Variants in NKAIN3 observed in about 807,000 individuals in gnomAD.
NKAIN3 encodes the protein sodium/potassium-transporting ATPase subunit beta-1-interacting protein 3.
Under a neutral mutation model 30.2 loss-of-function variants are expected in NKAIN3, and 25 were observed. The observed-to-expected ratio is 0.83, with a 90% CI of 0.60 to 1.16. NKAIN3 has a LOEUF of 1.16. Among genes scored for constraint, NKAIN3 ranks in the 50% most tolerant of loss-of-function variants. NKAIN3 has a pLI of 0.00. For synonymous variants in NKAIN3, 91 were observed against 89.6 expected (o/e 1.02, Z -0.09); for missense variants, 225 against 254.1 (o/e 0.89, Z 0.78).
At chr8:62,647,577 C>A (rs568059216) in intron 3 of NKAIN3, among the ~76,000 whole-genome samples, 1 of 152,190 alleles carries the variant, frequency 6.6e-6, no homozygotes, top group Admixed American at 6.5e-5. Flanking sequence ...AAGGAATATC[C>A]ACGGGGAAAC....
At chr8:62,655,342 G>A (rs1812734658) in intron 3 of NKAIN3, among the ~76,000 whole-genome samples, 1 of 152,150 alleles carries the variant, frequency 6.6e-6, no homozygotes, top group Non-Finnish European at 1.5e-5. Flanking sequence ...AAATATTTTA[G>A]ATGGGAAAGT....
intron 3 of NKAIN3, among the ~76,000 whole-genome samples, chr8:62,597,769 G>C (rs372829872): frequency 6.6e-6 from 1 of 151,754 alleles, no homozygotes; most frequent in Non-Finnish European, 1.5e-5. Flanking sequence ...TTATCTCTCT[G>C]CAATCCAGTC....
intron 2 of NKAIN3, among the ~76,000 whole-genome samples, chr8:62,584,529 T>C (rs996603265): frequency 1.2e-4 from 18 of 152,332 alleles, no homozygotes; most frequent in African/African-American, 4.3e-4. Flanking sequence ...TCAAAGCTTA[T>C]GAAAATTGTT....
chr8:62,809,456 A>G (rs1278211011), intron 4 of NKAIN3, among the ~76,000 whole-genome samples: 1 of 152,192 alleles, frequency 6.6e-6, no homozygotes, highest in Non-Finnish European at 1.5e-5. Flanking sequence ...ATAAATGTCC[A>G]TGAAATCTTC....
intron 1 of NKAIN3, among the ~76,000 whole-genome samples, chr8:62,493,762 T>C (rs1807148197): frequency 6.6e-6 from 1 of 152,190 alleles, no homozygotes; most frequent in African/African-American, 2.4e-5. Flanking sequence ...TTAGCTGTAC[T>C]CCTAGGTATT....
intron 5 of NKAIN3, among the ~76,000 whole-genome samples, chr8:62,923,361 T>G (rs544653407): frequency 1.3e-5 from 2 of 152,186 alleles, no homozygotes; most frequent in South Asian, 4.1e-4. Flanking sequence ...TTGTTGAGTT[T>G]ATAGTGTTAA....
chr8:62,918,728 T>A (rs1359943648), intron 5 of NKAIN3, among the ~76,000 whole-genome samples: 2 of 152,188 alleles, frequency 1.3e-5, no homozygotes, highest in African/African-American at 4.8e-5. Context: ...TGAGAGCACG[T>A]GCAGAGACTT....
At chr8:62,523,230 G>A (rs752752188) in intron 1 of NKAIN3, among the ~76,000 whole-genome samples, 2 of 152,008 alleles carry the variant, frequency 1.3e-5, no homozygotes, top group African/African-American at 4.8e-5. Context: ...TAGGAGCAGC[G>A]GACTATACTG....
At chr8:62,595,466 C>T (rs1039626427) in intron 3 of NKAIN3, among the ~76,000 whole-genome samples, 1 of 139,900 alleles carries the variant, frequency 7.1e-6, no homozygotes, top group Non-Finnish European at 1.5e-5. Flanking sequence ...AGGGAGGGGA[C>T]CCAAAGGGGG....
At chr8:62,473,861 A>G (rs964468697) in intron 1 of NKAIN3, 1 of 152,194 alleles carries the variant, frequency 6.6e-6, no homozygotes, top group African/African-American at 2.4e-5. Context: ...GCTCAGTTTC[A>G]ATTTGAATTT....
chr8:62,418,808 A>G (rs1804539999), intron 1 of NKAIN3, among the ~76,000 whole-genome samples: 1 of 152,134 alleles, frequency 6.6e-6, no homozygotes, highest in Non-Finnish European at 1.5e-5. Context: ...CTTTATGGTA[A>G]TCATGGAGGT....
rs140079890 is a variant in NKAIN3, at chr8:62,324,455, A to G, written c.54+75328A>G. Among the ~76,000 whole-genome samples, 777 of 152,258 alleles carry G rather than the reference A, an allele frequency of 5.1e-3. 5 individuals carry two copies. The highest frequency in any genetic ancestry group is 0.018 in the African/African-American group (730 of 41,578). Reference sequence around the variant, plus strand: ...ACTTCTCTCACACTAATTTCAACTGACCTTTCTACCAATAATTCAAAACCA... The same window carrying G: ...ACTTCTCTCACACTAATTTCAACTGGCCTTTCTACCAATAATTCAAAACCA... On this transcript the variant is annotated intron_variant, in intron 1 of 6. Coordinates refer to ENST00000623646, the MANE Select transcript of NKAIN3 (RefSeq NM_001304533.3).
chr8:62,274,050 G>A (rs1251851362), intron 1 of NKAIN3, among the ~76,000 whole-genome samples: 3 of 152,064 alleles, frequency 2.0e-5, no homozygotes, highest in South Asian at 2.1e-4. Context: ...TTTCTATCTC[G>A]ATTACTTACT....
chr8:62,317,169 T>TA (rs1264895821), intron 1 of NKAIN3, among the ~76,000 whole-genome samples: 1 of 152,234 alleles, frequency 6.6e-6, no homozygotes, highest in Non-Finnish European at 1.5e-5. Context: ...AGATTCTGGA[T>TA]ATTAGCCCTT....
intron 4 of NKAIN3, among the ~76,000 whole-genome samples, chr8:62,905,293 T>C (rs1259209257): frequency 6.6e-6 from 1 of 152,112 alleles, no homozygotes; most frequent in Non-Finnish European, 1.5e-5. Context: ...AGATAAGCCT[T>C]GGAGCCAGGC....
intron 1 of NKAIN3, among the ~76,000 whole-genome samples, chr8:62,288,316 T>A (rs1344663240): frequency 6.6e-6 from 1 of 152,212 alleles, no homozygotes; most frequent in African/African-American, 2.4e-5. Flanking sequence ...AATGTATACA[T>A]GTGCCATGTT....
chr8:62,339,146 TG>T (rs1262440021), intron 1 of NKAIN3, among the ~76,000 whole-genome samples: 1 of 152,020 alleles, frequency 6.6e-6, no homozygotes, highest in Non-Finnish European at 1.5e-5. Context: ...GCAGAAGCTC[TG>T]GGGTCAGGAT....
chr8:62,914,396 T>C (rs941315413), intron 4 of NKAIN3, among the ~76,000 whole-genome samples: 1 of 152,262 alleles, frequency 6.6e-6, no homozygotes, highest in African/African-American at 2.4e-5. Context: ...TATTGGGTAC[T>C]GGACTTAATA....
chr8:62,371,687 T>A (rs2129593309), intron 1 of NKAIN3, among the ~76,000 whole-genome samples: 1 of 152,098 alleles, frequency 6.6e-6, no homozygotes. Flanking sequence ...CGTACCTCCA[T>A]TTATTTAATA....
Sources: gnomAD v4.1 joint callset for allele counts (sites outside exome capture counted in the v4.1 genomes callset) on GRCh38, gnomAD v4.1.1 for gene constraint, MANE v1.5 for transcripts, NCBI Gene and HGNC (gene_info 2026-07-23, HGNC 2026-07-21) for gene names.